ATP6V0A4: variants seen among roughly 807,000 people sequenced by gnomAD.
ATP6V0A4 encodes ATPase H+ transporting V0 subunit a4.
A neutral mutation model predicts 107.3 loss-of-function variants in ATP6V0A4; 86 were observed. That is an observed-to-expected ratio of 0.80 (90% CI 0.67 to 0.96). ATP6V0A4 has a LOEUF of 0.96. Ranked by LOEUF, ATP6V0A4 falls within the 40% of genes least tolerant of loss-of-function variation. ATP6V0A4 has a pLI of 0.00. For missense variants in ATP6V0A4, 908 were observed against 1,045.6 expected (o/e 0.87, Z 1.81); for synonymous variants, 353 against 381.4 (o/e 0.93, Z 0.87).
At chr7:138,739,519 A>C in intron 15 of ATP6V0A4, 21 bp downstream of exon 15, 1 of 1,613,484 alleles carries the variant, frequency 6.2e-7, no homozygotes, top group Non-Finnish European at 8.5e-7. Context: ...AGAAATATTT[A>C]ACCCAAGAAG....
At chr7:138,714,611 T>C (rs1313842169) in intron 20 of ATP6V0A4, among the ~76,000 whole-genome samples, 1 of 151,994 alleles carries the variant, frequency 6.6e-6, no homozygotes, top group East Asian at 1.9e-4. Context: ...ATAGATACAA[T>C]TGTATTTCTG....
At position 138,756,379 on chromosome 7, in the gene ATP6V0A4, A is replaced by G. The variant is rs296910; in HGVS notation, c.722+79T>C. 0.62 allele frequency: 1,000,073 copies of G among 1,601,032 alleles called. 316,100 individuals are homozygous for G. The highest frequency in any genetic ancestry group is 0.84 in the African/African-American group (62,468 of 74,646). ...TTACTGACCTCTAGAAGCCACAGTC[A>G]TGTGCATTTGGCATTGCACATCTCT... is the stretch of plus-strand genomic sequence containing the variant. On this transcript the variant is annotated intron_variant, in intron 9 of 21. Transcript: ENST00000310018.
intron 15 of ATP6V0A4, among the ~76,000 whole-genome samples, chr7:138,737,127 T>TATATATATATATA (rs1365519910): frequency 1.4e-4 from 19 of 131,490 alleles, no homozygotes; most frequent in African/African-American, 4.6e-4. Context: ...TATATATATA[T>TATATATATATATA]GATACAAACT....
At chr7:138,776,202 A>G (rs944728115) in intron 2 of ATP6V0A4, among the ~76,000 whole-genome samples, 3 of 152,202 alleles carry the variant, frequency 2.0e-5, no homozygotes, top group Non-Finnish European at 2.9e-5. Context: ...TGAGAAATCA[A>G]ACTTTAGGCT....
intron 14 of ATP6V0A4, 92 bp from the exon 15 acceptor site, chr7:138,739,725 G>A (rs1805519682): frequency 7.7e-6 from 12 of 1,558,922 alleles, no homozygotes; most frequent in Non-Finnish European, 1.0e-5. Flanking sequence ...GCCCATCAAA[G>A]TCCAACTACT....
intron 20 of ATP6V0A4, among the ~76,000 whole-genome samples, chr7:138,714,185 G>A (rs756730792): frequency 1.3e-4 from 20 of 149,230 alleles, no homozygotes; most frequent in East Asian, 1.0e-3. Context: ...GTTCGAGGCC[G>A]TGATAGCGCC....
chr7:138,747,559 AGG>A lies in ATP6V0A4; in HGVS notation c.1184_1185del (p.Pro395LeufsTer34), dbSNP rs566440675. ...VGSYREINPA[P>X]YTIITFPFLF... ...AGGAAGGGGAAAGTGATGATGGTGTAGGGGGCTGCGGAGGGGAGACACACAAC... is the reference window on the plus strand; with the variant it reads ...AGGAAGGGGAAAGTGATGATGGTGTAGGGCTGCGGAGGGGAGACACACAAC... On this transcript the variant is annotated frameshift_variant, in exon 13 of 22. Coordinates refer to ENST00000310018, the MANE Select transcript of ATP6V0A4 (RefSeq NM_020632.3). LOFTEE classifies it high-confidence loss of function. 1 of 1,613,906 alleles carries A rather than the reference AGG, an allele frequency of 6.2e-7. No homozygotes were observed. Among genetic ancestry groups the A allele is most frequent in the Non-Finnish European group, 8.5e-7 (1 of 1,180,000 alleles).
intron 18 of ATP6V0A4, among the ~76,000 whole-genome samples, chr7:138,725,706 T>A (rs144594910): frequency 0.013 from 1,969 of 151,664 alleles, 50 homozygotes; most frequent in African/African-American, 0.045. Context: ...AGAGACAGGG[T>A]TTCACCATGT....
At chr7:138,783,907 G>A (rs543329423) in intron 2 of ATP6V0A4, among the ~76,000 whole-genome samples, 1 of 152,108 alleles carries the variant, frequency 6.6e-6, no homozygotes, top group South Asian at 2.1e-4. Context: ...AACAGGCCAA[G>A]CATTAGCAAA....
intron 1 of ATP6V0A4, among the ~76,000 whole-genome samples, chr7:138,790,628 A>G (rs554669702): frequency 6.6e-6 from 1 of 152,258 alleles, no homozygotes; most frequent in Non-Finnish European, 1.5e-5. Context: ...CCTTTATTTC[A>G]TTATAAACTG....
chr7:138,718,102 C>CTCAGGAAGGAGTGG (rs1804163722), intron 19 of ATP6V0A4, among the ~76,000 whole-genome samples: 1 of 2,072 alleles, frequency 4.8e-4, no homozygotes, highest in Non-Finnish European at 8.8e-4. Flanking sequence ...GAATGGGGGG[C>CTCAGGAAGGAGTGG]GGGGGTGCAG....
chr7:138,787,646 C>A (rs1808229876), intron 1 of ATP6V0A4, among the ~76,000 whole-genome samples: 1 of 152,058 alleles, frequency 6.6e-6, no homozygotes, highest in Non-Finnish European at 1.5e-5. Context: ...CTAGGCAACA[C>A]CCTGTCTCTA....
chr7:138,752,475 G>C, intron 11 of ATP6V0A4, 150 bp downstream of exon 11: 2 of 981,118 alleles, frequency 2.0e-6, no homozygotes, highest in Non-Finnish European at 3.1e-6. Flanking sequence ...ATGTCCTCGA[G>C]TGGGGTTGAT....
intron 5 of ATP6V0A4, among the ~76,000 whole-genome samples, chr7:138,766,591 T>C (rs1317524330): frequency 6.6e-6 from 1 of 151,842 alleles, no homozygotes; most frequent in Non-Finnish European, 1.5e-5. Context: ...CCCAAAACAA[T>C]AAATTTCCCC....
chr7:138,770,331 C>A (rs1245612862), intron 3 of ATP6V0A4, among the ~76,000 whole-genome samples: 1 of 152,088 alleles, frequency 6.6e-6, no homozygotes, highest in Admixed American at 6.6e-5. Context: ...ATTTCTCTGC[C>A]TTGGCTATCC....
intron 5 of ATP6V0A4, 87 bp downstream of exon 5, chr7:138,768,693 G>A (rs1052778673): frequency 2.0e-6 from 3 of 1,500,456 alleles, no homozygotes; most frequent in Non-Finnish European, 2.7e-6. Flanking sequence ...AACAGGTACG[G>A]AATCTGCAAG....
intron 2 of ATP6V0A4, among the ~76,000 whole-genome samples, chr7:138,779,262 A>G (rs1807813402): frequency 6.6e-6 from 1 of 151,774 alleles, no homozygotes; most frequent in African/African-American, 2.4e-5. Context: ...TGGGAGGATG[A>G]CCTGAGCCTG....
intron 14 of ATP6V0A4, among the ~76,000 whole-genome samples, chr7:138,744,161 T>A (rs1439136245): frequency 6.6e-6 from 1 of 151,404 alleles, no homozygotes; most frequent in East Asian, 1.9e-4. Context: ...TTACCAGGTG[T>A]CCCCTGCCCC....
intron 2 of ATP6V0A4, among the ~76,000 whole-genome samples, chr7:138,777,047 G>A (rs1276662116): frequency 6.6e-6 from 1 of 151,924 alleles, no homozygotes; most frequent in East Asian, 1.9e-4. Flanking sequence ...TACTCAGGAG[G>A]CTGAGGCACG....
Sources: gnomAD v4.1 joint callset for allele counts (sites outside exome capture counted in the v4.1 genomes callset) on GRCh38, gnomAD v4.1.1 for gene constraint, MANE v1.5 for transcripts, NCBI Gene and HGNC (gene_info 2026-07-23, HGNC 2026-07-21) for gene names.